Variants in HHLA1 observed in about 807,000 individuals in gnomAD.
The protein encoded by HHLA1 is HHLA1 neighbor of OC90.
Under a neutral mutation model 69.9 loss-of-function variants are expected in HHLA1, and 72 were observed. That is an observed-to-expected ratio of 1.03 (90% CI 0.85 to 1.25). The LOEUF (loss-of-function observed/expected upper bound fraction) is 1.25, where lower values mean the gene tolerates loss of function less well. Among genes scored for constraint, HHLA1 ranks in the 50% most tolerant of loss-of-function variants. HHLA1 has a pLI of 0.00. For missense variants in HHLA1, 685 were observed against 642.2 expected (o/e 1.07, Z -0.72); for synonymous variants, 252 against 233.2 (o/e 1.08, Z -0.73).
chr8:132,091,227 G>A (rs530769989), intron 7 of HHLA1, among the ~76,000 whole-genome samples: 76 of 152,214 alleles, frequency 5.0e-4, no homozygotes, highest in Admixed American at 1.0e-3. Flanking sequence ...TAAAGAAGAA[G>A]CTGAGGTTAG....
intron 14 of HHLA1, 96 bp downstream of exon 14, chr8:132,075,959 T>C: frequency 1.1e-6 from 1 of 917,482 alleles, no homozygotes; most frequent in Non-Finnish European, 1.7e-6. Context: ...TGAGTCTGAT[T>C]TTCTAAATTT....
In HHLA1 at chr8:132,108,764, CT is replaced by C. The variant is rs200003276; in HGVS notation, c.-22+2337del. ...GACACTTCTGAGAAATTCTCTCTCC[CT>C]GGGAGAGTTTTATGGCCAAGAAGAA... On this transcript the variant is annotated intron_variant, in intron 1 of 16. Transcript: ENST00000414222. Among the ~76,000 whole-genome samples, 373 of 152,062 alleles carry C rather than the reference CT, an allele frequency of 2.5e-3. 4 individuals carry two copies. The highest frequency in any genetic ancestry group is 0.021 in the Admixed American group (328 of 15,280).
At chr8:132,100,209 G>C in intron 3 of HHLA1, 75 bp from the exon 4 acceptor site, 1 of 1,147,622 alleles carries the variant, frequency 8.7e-7, no homozygotes, top group Middle Eastern at 1.9e-4. Flanking sequence ...AGAAGCCTTG[G>C]AAGCCTCTTT....
intron 1 of HHLA1, among the ~76,000 whole-genome samples, chr8:132,108,152 C>T (rs1035177163): frequency 6.6e-6 from 1 of 152,182 alleles, no homozygotes; most frequent in South Asian, 2.1e-4. Flanking sequence ...GTGCAACTTA[C>T]TAAACCTCTC....
At chr8:132,094,286 A>C (rs1293596216) in intron 7 of HHLA1, among the ~76,000 whole-genome samples, 1 of 152,214 alleles carries the variant, frequency 6.6e-6, no homozygotes, top group Non-Finnish European at 1.5e-5. Context: ...AAGCAGCCAG[A>C]AGGATTCTTT....
At chr8:132,071,566 A>G in intron 14 of HHLA1, 73 bp from the exon 15 acceptor site, 2 of 1,401,964 alleles carry the variant, frequency 1.4e-6, no homozygotes, top group African/African-American at 1.4e-5. Context: ...TAAGCCCTGC[A>G]TCAGGTGAAT....
In HHLA1 at chr8:132,062,123, T is replaced by C. The variant is rs1823363660; in HGVS notation, c.*1872A>G. 6.6e-6 allele frequency: 1 copy of C among 152,180 alleles called. No individual in the cohort carries two copies. Among genetic ancestry groups the C allele is most frequent in the Non-Finnish European group, 1.5e-5 (1 of 68,032 alleles). The allele number at this position is 152,180 out of a possible 1,614,324, so 9.4% of individuals were successfully genotyped here. A position where few individuals can be genotyped will look rare whatever the true frequency, so the allele number is the denominator to read the frequency against. On this transcript the variant is annotated 3_prime_UTR_variant, in exon 17 of 17. Coordinates refer to ENST00000414222, the MANE Select transcript of HHLA1 (RefSeq NM_001145095.3). The stretch of plus-strand genomic sequence containing the variant: ...AATTAATATCCACGCAAGGGTTGAA[T>C]CAAATTAATCCATGCTTAATGAGTT...
intron 3 of HHLA1, 27 bp downstream of exon 3, chr8:132,104,081 G>A: frequency 1.3e-6 from 2 of 1,526,826 alleles, no homozygotes; most frequent in Non-Finnish European, 1.8e-6. Context: ...ACAGTGAGCT[G>A]AAAAGGAGCC....
chr8:132,078,211 C>CAA (rs1554616698), intron 11 of HHLA1, among the ~76,000 whole-genome samples: 2 of 146,230 alleles, frequency 1.4e-5, no homozygotes, highest in Non-Finnish European at 1.5e-5. Context: ...CACACACACA[C>CAA]AACCTCTAAA....
Position 132,062,206 on chromosome 8 carries a change from T to G in HHLA1, c.*1789A>C, listed in dbSNP as rs1823364906. 6.6e-6 allele frequency: 1 copy of G among 152,260 alleles called. No individual in the cohort carries two copies. Among genetic ancestry groups the G allele is most frequent in the South Asian group, 2.1e-4 (1 of 4,836 alleles). The allele number at this position is 152,260 out of a possible 1,614,324, so 9.4% of individuals were successfully genotyped here. The stretch of plus-strand genomic sequence containing the variant: ...GCCTCCCAGAAAATTTGCTGTATCC[T>G]CTTCATCTTTGCAAAAGTCATGATA... On this transcript the variant is annotated 3_prime_UTR_variant, in exon 17 of 17. Transcript: ENST00000414222.
chr8:132,063,473 T>A lies in HHLA1; in HGVS notation c.*522A>T, dbSNP rs1024979342. On this transcript the variant is annotated 3_prime_UTR_variant, in exon 17 of 17. Coordinates refer to ENST00000414222, the MANE Select transcript of HHLA1 (RefSeq NM_001145095.3). ...GGAAGATTATATAGATCCCATACCA[T>A]GGCAAGTCTGATTGGTTGTACATGT... 1 of 152,298 alleles carries A rather than the reference T, an allele frequency of 6.6e-6. No individual in the cohort carries two copies. The highest frequency in any genetic ancestry group is 1.5e-5 in the Non-Finnish European group (1 of 68,084). The allele number at this position is 152,298 out of a possible 1,614,324, so 9.4% of individuals were successfully genotyped here. A position where few individuals can be genotyped will look rare whatever the true frequency, so the allele number is the denominator to read the frequency against.
At chr8:132,109,132 G>A (rs544464385) in intron 1 of HHLA1, among the ~76,000 whole-genome samples, 42 of 152,254 alleles carry the variant, frequency 2.8e-4, no homozygotes, top group Non-Finnish European at 5.3e-4. Context: ...TCAGCCTCCC[G>A]AGTAGCTGGG....
At chr8:132,095,076 C>A (rs748246945) in intron 7 of HHLA1, among the ~76,000 whole-genome samples, 2 of 152,206 alleles carry the variant, frequency 1.3e-5, no homozygotes, top group African/African-American at 2.4e-5. Flanking sequence ...CAAAGGGAAT[C>A]ACCTATCTGG....
At position 132,079,876 on chromosome 8, in the gene HHLA1, TG is replaced by T. The variant is rs1245142380; in HGVS notation, c.766del (p.Gln256ArgfsTer9). On this transcript the variant is annotated frameshift_variant, in exon 11 of 17. Coordinates refer to ENST00000414222, the MANE Select transcript of HHLA1 (RefSeq NM_001145095.3). LOFTEE classifies it high-confidence loss of function. ...LPSTSPGHWT[Q>X]STPWASALRS... is the part of the protein sequence containing the mutation. ...CAGAGCAGATGCCCAGGGTGTGCTC[TG>T]GGTCCAGTGTCCGGGGCTTGTACTT... is the stretch of plus-strand genomic sequence containing the variant. 6 of 1,552,036 alleles carry T rather than the reference TG, an allele frequency of 3.9e-6. No individual in the cohort carries two copies. In the East Asian group the frequency reaches 1.5e-4, roughly 38 times the overall value.
chr8:132,067,668 C>T (rs1425009785), intron 15 of HHLA1, among the ~76,000 whole-genome samples: 3 of 152,208 alleles, frequency 2.0e-5, no homozygotes, highest in Non-Finnish European at 2.9e-5. Flanking sequence ...CAAAGCGCAG[C>T]GTTCCAGGTA....
At position 132,063,958 on chromosome 8, in the gene HHLA1, G is replaced by A; in HGVS notation, c.*37C>T. On this transcript the variant is annotated 3_prime_UTR_variant, in exon 17 of 17. Coordinates refer to ENST00000414222, the MANE Select transcript of HHLA1 (RefSeq NM_001145095.3). The stretch of plus-strand genomic sequence containing the variant: ...AGCCAGGGTGGATGGCGTATCCCCT[G>A]AAGTAATTGTTATGCCCTAGTGTTA... 8.2e-7 allele frequency: 1 copy of A among 1,224,724 alleles called. No homozygotes were observed. The highest frequency in any genetic ancestry group is 1.1e-6 in the Non-Finnish European group (1 of 921,514). The allele number at this position is 1,224,724 out of a possible 1,614,324, so 75.9% of individuals were successfully genotyped here.
At chr8:132,104,041 G>T in intron 3 of HHLA1, 67 bp downstream of exon 3, 2 of 1,070,870 alleles carry the variant, frequency 1.9e-6, no homozygotes, top group Non-Finnish European at 2.8e-6. Flanking sequence ...AGAAAGTCAG[G>T]CTTGGGGAAG....
intron 10 of HHLA1, among the ~76,000 whole-genome samples, chr8:132,082,511 C>T (rs1176547438): frequency 2.6e-5 from 4 of 151,898 alleles, no homozygotes; most frequent in Non-Finnish European, 4.4e-5. Context: ...AGGGAGAGCA[C>T]GTGTGTTTTT....
chr8:132,101,852 G>T (rs62521343), intron 3 of HHLA1, among the ~76,000 whole-genome samples: 1 of 152,304 alleles, frequency 6.6e-6, no homozygotes, highest in South Asian at 2.1e-4. Context: ...GATTACAGGC[G>T]TGAGCCACTG....
Sources: allele counts gnomAD v4.1 joint callset (sites outside exome capture counted in the v4.1 genomes callset), GRCh38; gene constraint gnomAD v4.1.1; transcripts MANE v1.5; gene names NCBI Gene and HGNC (gene_info 2026-07-23, HGNC 2026-07-21).